The following DHX29 variants were observed in gnomAD, a reference collection of about 807,000 sequenced individuals.
DHX29 encodes DExH-box helicase 29.
DHX29 carries 79 observed loss-of-function variants against 167.9 expected under a neutral mutation model. That is an observed-to-expected ratio of 0.47 (90% CI 0.39 to 0.57). The LOEUF (loss-of-function observed/expected upper bound fraction) is 0.57, where lower values mean the gene tolerates loss of function less well. Among genes scored for constraint, DHX29 ranks in the 20% least tolerant of loss-of-function variants. The pLI is 0.00. For synonymous variants in DHX29, 530 were observed against 546.0 expected (o/e 0.97, Z 0.41); for missense variants, 1,347 against 1,593.4 (o/e 0.85, Z 2.63).
At chr5:55,273,705 C>G (rs997944501) in intron 16 of DHX29, among the ~76,000 whole-genome samples, 1 of 152,088 alleles carries the variant, frequency 6.6e-6, no homozygotes, top group Non-Finnish European at 1.5e-5. Context: ...TAAACTGCAG[C>G]TTGGTTGGAG....
Position 55,269,641 on chromosome 5 carries a change from C to A in DHX29, c.3070-4G>T, listed in dbSNP as rs780805768. On this transcript the variant is annotated splice_region_variant and splice_polypyrimidine_tract_variant and intron_variant, in intron 20 of 26. Coordinates refer to ENST00000251636, the MANE Select transcript of DHX29 (RefSeq NM_019030.4). ...CAGGAGAACCAAGATTACATTTCTG[C>A]AGATTAAAAAAGCAATAAAATTGGT... The A allele has an allele frequency of 1.1e-5, 18 of 1,608,622 alleles. No homozygotes were observed. The highest frequency in any genetic ancestry group is 1.5e-5 in the Non-Finnish European group (18 of 1,175,784).
At chr5:55,295,288 G>T in intron 5 of DHX29, 91 bp downstream of exon 5, 2 of 996,860 alleles carry the variant, frequency 2.0e-6, no homozygotes, top group Middle Eastern at 2.8e-4. Context: ...AAGTAAAAAT[G>T]TTATAGAAAC....
intron 12 of DHX29, among the ~76,000 whole-genome samples, chr5:55,281,167 C>T (rs1327365403): frequency 6.6e-6 from 1 of 151,448 alleles, no homozygotes; most frequent in African/African-American, 2.4e-5. Context: ...ATATATATCC[C>T]CTTGAATAGA....
In DHX29 at chr5:55,295,495, A is replaced by G; in HGVS notation, c.535T>C (p.Phe179Leu). 1 of 1,613,982 alleles carries G rather than the reference A, an allele frequency of 6.2e-7. No homozygotes were observed. Among genetic ancestry groups the G allele is most frequent in the Non-Finnish European group, 8.5e-7 (1 of 1,179,970 alleles). The change falls in exon 5 of 27, where the codon TTT becomes CTT. Residue 179 changes from phenylalanine (F) to leucine (L), a missense_variant. Coordinates refer to ENST00000251636, the MANE Select transcript of DHX29 (RefSeq NM_019030.4). ...DALPEGFSQEFEEQQPKSRPK... is the reference protein window; with the variant it reads ...DALPEGFSQELEEQQPKSRPK... Reference sequence around the variant, plus strand: ...CTACTTTTAGGTTGCTGCTCTTCAAATTCCTGACTGAATCCTTCAGGAAGT... The same window carrying G: ...CTACTTTTAGGTTGCTGCTCTTCAAGTTCCTGACTGAATCCTTCAGGAAGT...
Position 55,273,395 on chromosome 5 carries a change from A to G in DHX29, c.2691-18T>C. 6.5e-7 allele frequency: 1 copy of G among 1,536,442 alleles called. No homozygotes were observed. Among genetic ancestry groups the G allele is most frequent in the Non-Finnish European group, 8.8e-7 (1 of 1,132,466 alleles). On this transcript the variant is annotated intron_variant, in intron 16 of 26. Transcript: ENST00000251636. ...CTTTATATCTGAAAGTTAAAATCAT[A>G]GTTCTTAGCAAGAGTTTCTCTTTAG...
At chr5:55,269,731 A>C (rs1746757723) in intron 20 of DHX29, 94 bp from the exon 21 acceptor site, 1 of 1,024,542 alleles carries the variant, frequency 9.8e-7, no homozygotes, top group African/African-American at 1.6e-5. Flanking sequence ...CTTCAGTAAA[A>C]TTTTGAGCAA....
chr5:55,258,534 T>G (rs148561174), intron 26 of DHX29, among the ~76,000 whole-genome samples: 1 of 152,116 alleles, frequency 6.6e-6, no homozygotes, highest in Non-Finnish European at 1.5e-5. Flanking sequence ...CAGGATGATT[T>G]TGATGATTTG....
intron 1 of DHX29, among the ~76,000 whole-genome samples, chr5:55,302,592 CAAAAAAAA>C (rs3990285): frequency 2.9e-5 from 2 of 68,314 alleles, no homozygotes; most frequent in Non-Finnish European, 6.0e-5. Flanking sequence ...GTGACCCTAT[CAAAAAAAA>C]AAAAAAAAAA....
intron 20 of DHX29, 36 bp downstream of exon 20, chr5:55,270,376 G>T: frequency 6.4e-7 from 1 of 1,560,396 alleles, no homozygotes; most frequent in East Asian, 2.3e-5. Context: ...AGAAAGGGGC[G>T]AAGGACAAAA....
chr5:55,307,363 C>A, intron 1 of DHX29, 24 bp downstream of exon 1: 4 of 1,603,394 alleles, frequency 2.5e-6, no homozygotes, highest in Non-Finnish European at 3.4e-6. Context: ...GGCAGACAGC[C>A]AGGGGCTGGG....
chr5:55,306,650 C>T (rs1212944915), intron 1 of DHX29, among the ~76,000 whole-genome samples: 3 of 152,132 alleles, frequency 2.0e-5, no homozygotes, highest in Admixed American at 1.3e-4. Flanking sequence ...TAAATATTTG[C>T]ATATATACAC....
intron 12 of DHX29, among the ~76,000 whole-genome samples, chr5:55,281,001 C>T (rs1747371710): frequency 6.6e-6 from 1 of 151,600 alleles, no homozygotes; most frequent in Admixed American, 6.6e-5. Context: ...GTTTCTACAG[C>T]CTGATGATTT....
At chr5:55,287,909 A>G (rs1395802967) in intron 8 of DHX29, among the ~76,000 whole-genome samples, 4 of 151,140 alleles carry the variant, frequency 2.6e-5, no homozygotes, top group African/African-American at 9.7e-5. Context: ...AGATTGTGCT[A>G]CTGCACTCCA....
At chr5:55,274,369 G>A (rs1174753364) in intron 16 of DHX29, among the ~76,000 whole-genome samples, 1 of 152,028 alleles carries the variant, frequency 6.6e-6, no homozygotes, top group Non-Finnish European at 1.5e-5. Context: ...ACTCCATCCT[G>A]GGCAACAGAG....
intron 5 of DHX29, 136 bp from the exon 6 acceptor site, chr5:55,294,281 G>A: frequency 1.6e-5 from 13 of 827,478 alleles, no homozygotes; most frequent in East Asian, 3.0e-5. Flanking sequence ...GCTCAGTGAA[G>A]GACAAATAAA....
Position 55,283,341 on chromosome 5 carries a change from T to C in DHX29, c.1827A>G (p.Leu609=), listed in dbSNP as rs755132340. Residue 609 remains leucine, a synonymous_variant, in exon 11 of 27, where the codon CTA becomes CTG. Transcript: ENST00000251636. ...ACTCATTTAGAAGCAAATCTTCCAA[T>C]AGAAAATGTGGTACCTGAGTACTTT... is the stretch of plus-strand genomic sequence containing the variant. ...SGKSTQVPHF[L]LEDLLLNEWE... 2.4e-5 allele frequency: 39 copies of C among 1,614,040 alleles called. No individual in the cohort carries two copies. Among genetic ancestry groups the C allele is most frequent in the East Asian group, 6.7e-5 (3 of 44,890 alleles).
intron 1 of DHX29, among the ~76,000 whole-genome samples, chr5:55,306,636 A>G (rs1748877796): frequency 6.6e-6 from 1 of 152,214 alleles, no homozygotes. Context: ...TATCAGACAC[A>G]TACTAAATAT....
rs760378742 is a variant in DHX29 at position 55,297,326 on chromosome 5, T to C, written c.334A>G (p.Lys112Glu). The change falls in exon 3 of 27, where the codon AAA becomes GAA. Residue 112 changes from lysine to glutamate, a missense_variant. By Grantham distance (56) the Lys-to-Glu change is moderately conservative (BLOSUM62 1). Coordinates refer to ENST00000251636, the MANE Select transcript of DHX29 (RefSeq NM_019030.4). Reference sequence around the variant, plus strand: ...GTAAGTCTTCCAGAAATCATTCCTTTGTCATTATTTTGCTTTTTATGCTCA... The same window carrying C: ...GTAAGTCTTCCAGAAATCATTCCTTCGTCATTATTTTGCTTTTTATGCTCA... The part of the protein sequence containing the change: ...INEHKKQNND[K>E]GMISGRLTAK... The C allele has an allele frequency of 3.1e-6, 5 of 1,599,786 alleles. No homozygotes were observed. Among genetic ancestry groups the C allele is most frequent in the Non-Finnish European group, 8.6e-7 (1 of 1,168,626 alleles).
intron 19 of DHX29, 35 bp downstream of exon 19, chr5:55,270,543 T>C: frequency 6.2e-7 from 1 of 1,613,790 alleles, no homozygotes; most frequent in Non-Finnish European, 8.5e-7. Flanking sequence ...ACAATACTGG[T>C]TTATGTGTTT....
Sources: gnomAD v4.1 joint callset for allele counts (sites outside exome capture counted in the v4.1 genomes callset) on GRCh38, gnomAD v4.1.1 for gene constraint, MANE v1.5 for transcripts, NCBI Gene and HGNC (gene_info 2026-07-23, HGNC 2026-07-21) for gene names.